Variants in SAMD12 observed in about 807,000 individuals in gnomAD.
SAMD12 encodes sterile alpha motif domain-containing protein 12.
Under a neutral mutation model 15.0 loss-of-function variants are expected in SAMD12, and 9 were observed. The ratio of observed to expected loss-of-function variants is 0.60; its 90% confidence interval spans 0.36 to 1.05. The LOEUF (loss-of-function observed/expected upper bound fraction) is 1.05. SAMD12 is among the 50% of genes least tolerant of loss of function. SAMD12 has a pLI of 0.01. For missense variants in SAMD12, 230 were observed against 234.2 expected (o/e 0.98, Z 0.12); for synonymous variants, 86 against 90.1 (o/e 0.96, Z 0.25).
intron 4 of SAMD12, among the ~76,000 whole-genome samples, chr8:118,292,759 G>A (rs1460562448): frequency 2.0e-5 from 3 of 151,962 alleles, no homozygotes; most frequent in Admixed American, 1.3e-4. Context: ...TAGGGACATG[G>A]ATGAAATTGG....
intron 4 of SAMD12, among the ~76,000 whole-genome samples, chr8:118,302,333 A>C (rs1413951079): frequency 6.6e-6 from 1 of 152,158 alleles, no homozygotes; most frequent in African/African-American, 2.4e-5. Flanking sequence ...AAATTCATTT[A>C]TAATGTGTTT....
the SAMD12 span, among the ~76,000 whole-genome samples, chr8:118,174,702 AATT>A: frequency 2.0e-5 from 3 of 152,078 alleles, no homozygotes; most frequent in Admixed American, 6.5e-5. Flanking sequence ...GGGGTGAAGA[AATT>A]ATTTTTTCCC....
At chr8:118,284,439 C>A (rs1813822231) in intron 4 of SAMD12, 4 of 448,874 alleles carry the variant, frequency 8.9e-6, no homozygotes, top group Admixed American at 7.1e-5. Flanking sequence ...ATTCTGCCTG[C>A]CTGATATATC....
chr8:118,224,816 G>A (rs192189997), intron 4 of SAMD12, among the ~76,000 whole-genome samples: 8 of 152,280 alleles, frequency 5.3e-5, no homozygotes, highest in East Asian at 1.9e-4. Flanking sequence ...GGAACAGAGC[G>A]CTTCTGGCAG....
At chr8:118,321,148 T>A (rs1275108754) in intron 4 of SAMD12, among the ~76,000 whole-genome samples, 106 of 6,138 alleles carry the variant, frequency 0.017, 4 homozygotes, top group African/African-American at 0.06. Context: ...ATAATAAATA[T>A]ATATATATAT....
downstream of SAMD12, among the ~76,000 whole-genome samples, chr8:118,186,733 C>T (rs1044234811): frequency 1.3e-5 from 2 of 151,996 alleles, no homozygotes; most frequent in African/African-American, 4.8e-5. Context: ...AAGGGAGAAT[C>T]ATGACAAGGA....
In SAMD12 at chr8:118,496,944, T is replaced by C. The variant is rs1330156461; in HGVS notation, c.193-56983A>G. On this transcript the variant is annotated intron_variant, in intron 2 of 3. Transcript: ENST00000314727. ...AACACACACTTCTCAAAAGAAGATA[T>C]ACATAGCCAACAAGCATATGAAAAA... 4.7e-5 allele frequency among the ~76,000 whole-genome samples: 7 copies of C among 150,356 alleles called. No homozygotes were observed. In the East Asian group the frequency reaches 1.4e-3, roughly 29 times the overall value.
chr8:118,385,102 T>C (rs975270577), intron 3 of SAMD12, among the ~76,000 whole-genome samples: 7 of 151,326 alleles, frequency 4.6e-5, no homozygotes, highest in African/African-American at 1.7e-4. Flanking sequence ...TGTGCTCCAC[T>C]AGAATGGCAG....
chr8:118,518,372 C>T (rs980885557), intron 2 of SAMD12, among the ~76,000 whole-genome samples: 4 of 152,098 alleles, frequency 2.6e-5, no homozygotes, highest in East Asian at 1.9e-4. Flanking sequence ...GTAACAAAGG[C>T]GATATCCCTT....
chr8:118,390,069 C>A (rs1044247527), intron 3 of SAMD12, among the ~76,000 whole-genome samples: 3 of 151,940 alleles, frequency 2.0e-5, no homozygotes, highest in East Asian at 3.9e-4. Flanking sequence ...TGCAGTGGCA[C>A]GATCTTGGCT....
At chr8:118,578,067 T>A (rs1827195298) in intron 2 of SAMD12, among the ~76,000 whole-genome samples, 1 of 152,182 alleles carries the variant, frequency 6.6e-6, no homozygotes. Context: ...CCTCCTAGAC[T>A]CAGTGATGCT....
At chr8:118,302,993 C>T (rs961514210) in intron 4 of SAMD12, among the ~76,000 whole-genome samples, 1 of 152,200 alleles carries the variant, frequency 6.6e-6, no homozygotes, top group African/African-American at 2.4e-5. Context: ...TTCACTAATA[C>T]TAAATGCCTG....
intron 3 of SAMD12, among the ~76,000 whole-genome samples, chr8:118,418,741 C>T (rs1332983591): frequency 2.0e-5 from 3 of 151,510 alleles, no homozygotes; most frequent in African/African-American, 7.3e-5. Context: ...GAAAAGTCAG[C>T]CAGTTTCTTA....
intron 4 of SAMD12, among the ~76,000 whole-genome samples, chr8:118,206,816 G>A (rs1332387396): frequency 6.6e-6 from 1 of 152,144 alleles, no homozygotes; most frequent in African/African-American, 2.4e-5. Flanking sequence ...AATGTTGCAG[G>A]GACACTGATA....
At chr8:118,203,785 A>T (rs1170847389) in intron 4 of SAMD12, among the ~76,000 whole-genome samples, 3 of 129,944 alleles carry the variant, frequency 2.3e-5, no homozygotes, top group Admixed American at 1.8e-4. Context: ...CCTGTGTCCA[A>T]GTGTTCTCAT....
chr8:118,172,682 A>G, the SAMD12 span, among the ~76,000 whole-genome samples: 4 of 152,256 alleles, frequency 2.6e-5, no homozygotes, highest in Non-Finnish European at 5.9e-5. Flanking sequence ...TATATCCATG[A>G]AACCGTTACC....
chr8:118,240,236 C>T (rs559574364), intron 4 of SAMD12, among the ~76,000 whole-genome samples: 1 of 152,176 alleles, frequency 6.6e-6, no homozygotes, highest in Non-Finnish European at 1.5e-5. Context: ...ATGACTGCAG[C>T]CCTGATTGAC....
intron 2 of SAMD12, among the ~76,000 whole-genome samples, chr8:118,496,350 A>G (rs570108688): frequency 6.5e-4 from 99 of 152,334 alleles, no homozygotes; most frequent in African/African-American, 2.2e-3. Flanking sequence ...TCAAAATAGC[A>G]TGGTACTGGC....
chr8:118,293,148 G>A (rs1003970414), intron 4 of SAMD12, among the ~76,000 whole-genome samples: 22 of 152,028 alleles, frequency 1.4e-4, no homozygotes, highest in African/African-American at 4.3e-4. Flanking sequence ...GAAACATTAA[G>A]CAACATCTCT....
Sources: allele counts gnomAD v4.1 joint callset (sites outside exome capture counted in the v4.1 genomes callset), GRCh38; gene constraint gnomAD v4.1.1; transcripts MANE v1.5; gene names NCBI Gene and HGNC (gene_info 2026-07-23, HGNC 2026-07-21).